The following CSMD1 variants were observed in gnomAD, a reference collection of about 807,000 sequenced individuals.
CSMD1 encodes the protein CUB and Sushi multiple domains 1.
In CSMD1, 213 loss-of-function variants were observed where a neutral mutation model predicts 417.5. The ratio of observed to expected loss-of-function variants is 0.51; its 90% CI spans 0.46 to 0.57. The LOEUF (loss-of-function observed/expected upper bound fraction) is 0.57. Ranked by LOEUF, CSMD1 falls within the 20% of genes least tolerant of loss-of-function variation. CSMD1 has a pLI of 0.00. For synonymous variants in CSMD1, 2,862 were observed against 1,736.8 expected (o/e 1.65, Z -16.11); for missense variants, 6,923 against 4,529.7 (o/e 1.53, Z -15.17).
chr8:3,263,448 G>T (rs2161749), intron 26 of CSMD1, among the ~76,000 whole-genome samples: 1 of 151,986 alleles, frequency 6.6e-6, no homozygotes, highest in Non-Finnish European at 1.5e-5. Context: ...ATGTATATAT[G>T]GATACATTGG....
At chr8:3,538,476 ACACCTGAGATGCCTCACCTGCGATGCCT>A (rs1434123659) in intron 10 of CSMD1, among the ~76,000 whole-genome samples, 1 of 151,300 alleles carries the variant, frequency 6.6e-6, no homozygotes. Context: ...CTAAGATGAT[ACACCTGAGATGCCTCACCTGCGATGCCT>A]CACCTGAGAT....
intron 1 of CSMD1, among the ~76,000 whole-genome samples, chr8:4,698,251 G>T (rs780193388): frequency 4.0e-5 from 6 of 150,844 alleles, no homozygotes; most frequent in Non-Finnish European, 8.8e-5. Flanking sequence ...AAACATTTTA[G>T]TCAACATGAA....
chr8:3,007,219 A>G (rs535934057), intron 52 of CSMD1, among the ~76,000 whole-genome samples: 3 of 150,448 alleles, frequency 2.0e-5, no homozygotes, highest in Admixed American at 2.0e-4. Flanking sequence ...CAAAACCACA[A>G]TGAGATACCA....
chr8:4,647,371 CGT>C (rs1803587718), intron 1 of CSMD1, among the ~76,000 whole-genome samples: 1 of 102,760 alleles, frequency 9.7e-6, no homozygotes, highest in East Asian at 4.6e-4. Context: ...CGGCCTGCTA[CGT>C]AGGTACGCGT....
intron 5 of CSMD1, among the ~76,000 whole-genome samples, chr8:3,763,394 G>T (rs1258626646): frequency 6.6e-6 from 1 of 152,122 alleles, no homozygotes; most frequent in African/African-American, 2.4e-5. Context: ...CCATGGTAAT[G>T]AGTAAGTTCT....
intron 3 of CSMD1, among the ~76,000 whole-genome samples, chr8:4,346,867 A>T (rs1307724500): frequency 6.6e-6 from 1 of 152,202 alleles, no homozygotes; most frequent in Non-Finnish European, 1.5e-5. Flanking sequence ...CACCTCTCTC[A>T]ACATGTCATT....
At chr8:4,697,038 G>A (rs560484500) in intron 1 of CSMD1, among the ~76,000 whole-genome samples, 7 of 152,066 alleles carry the variant, frequency 4.6e-5, no homozygotes, top group African/African-American at 9.7e-5. Flanking sequence ...TGGGCGTGGT[G>A]GTGCGTGCCT....
At chr8:3,724,182 A>G (rs1802352059) in intron 6 of CSMD1, among the ~76,000 whole-genome samples, 1 of 108,348 alleles carries the variant, frequency 9.2e-6, no homozygotes, top group African/African-American at 3.2e-5. Context: ...AAACAATGCT[A>G]CCTCTTTTAC....
At position 4,994,517 on chromosome 8, in the gene CSMD1, A is replaced by C. The variant is rs1238984598; in HGVS notation, c.-101T>G. On this transcript the variant is annotated 5_prime_UTR_variant, in exon 1 of 70. Transcript: ENST00000635120. The stretch of plus-strand genomic sequence containing the variant: ...ATCACCCGAGGGCAAGGCGAGCCGG[A>C]GAGAGAGCCCGGTCCCAAGACCCGC... 3.2e-5 allele frequency: 35 copies of C among 1,106,514 alleles called. No individual in the cohort carries two copies. The highest frequency in any genetic ancestry group is 4.5e-5 in the Non-Finnish European group (34 of 759,578). 68.5% of individuals were successfully genotyped at this position (1,106,514 alleles called of 1,614,324 possible).
intron 3 of CSMD1, among the ~76,000 whole-genome samples, chr8:4,075,858 C>G (rs1434536961): frequency 6.6e-6 from 1 of 152,070 alleles, no homozygotes; most frequent in African/African-American, 2.4e-5. Context: ...CCTCAGGGAG[C>G]CAGTTCATAT....
rs1204302137 is a variant in CSMD1 at position 4,895,653 on chromosome 8, GCTC to G, written c.85+98676_85+98678del. 2.6e-5 allele frequency among the ~76,000 whole-genome samples: 4 copies of G among 151,302 alleles called. 1 individual carries two copies. Among genetic ancestry groups the G allele is most frequent in the African/African-American group, 9.7e-5 (4 of 41,154 alleles). ...CTGATGTTGTGGTTGGTCTGATGAG[GCTC>G]CTTTTTCCAAATTGCTATCCACCTT... On this transcript the variant is annotated intron_variant, in intron 1 of 69. Coordinates refer to ENST00000635120, the MANE Select transcript of CSMD1 (RefSeq NM_033225.6).
At chr8:4,453,206 C>T (rs1441113007) in intron 2 of CSMD1, among the ~76,000 whole-genome samples, 3 of 113,798 alleles carry the variant, frequency 2.6e-5, no homozygotes, top group Non-Finnish European at 3.8e-5. Flanking sequence ...CCCACACAGA[C>T]ACACACAGAG....
intron 3 of CSMD1, among the ~76,000 whole-genome samples, chr8:4,350,013 C>A (rs965000085): frequency 6.6e-6 from 1 of 152,070 alleles, no homozygotes; most frequent in Non-Finnish European, 1.5e-5. Context: ...GCCCTGGAAT[C>A]TTGTCTTTTC....
rs189752327 is a variant in CSMD1 at position 4,301,501 on chromosome 8, T to C, written c.415+118452A>G. ...TGATGCCACTTGCATAAGATCTCTA[T>C]TGAAAGCTCTACTCTTGTTTGAAGC... On this transcript the variant is annotated intron_variant, in intron 3 of 69. Coordinates refer to ENST00000635120, the MANE Select transcript of CSMD1 (RefSeq NM_033225.6). Among the ~76,000 whole-genome samples, 13 of 152,306 alleles carry C rather than the reference T, an allele frequency of 8.5e-5. No individual in the cohort carries two copies. In the East Asian group the frequency reaches 2.1e-3, roughly 25 times the overall value.
At chr8:4,779,508 C>T (rs1292355218) in intron 1 of CSMD1, among the ~76,000 whole-genome samples, 1 of 151,972 alleles carries the variant, frequency 6.6e-6, no homozygotes, top group Non-Finnish European at 1.5e-5. Context: ...GTCCTAAACC[C>T]AATGCAGTTA....
intron 3 of CSMD1, among the ~76,000 whole-genome samples, chr8:4,100,489 T>C (rs901840076): frequency 1.5e-4 from 23 of 152,172 alleles, no homozygotes; most frequent in African/African-American, 5.5e-4. Flanking sequence ...TAAGCCTTAG[T>C]CTCATCAACT....
intron 12 of CSMD1, among the ~76,000 whole-genome samples, chr8:3,410,300 T>C (rs1297809090): frequency 6.6e-6 from 1 of 152,210 alleles, no homozygotes; most frequent in Non-Finnish European, 1.5e-5. Flanking sequence ...GTGTGTCAGG[T>C]CCTGTTCTAG....
intron 2 of CSMD1, among the ~76,000 whole-genome samples, chr8:4,583,238 C>T (rs1442518312): frequency 6.6e-6 from 1 of 152,228 alleles, no homozygotes; most frequent in African/African-American, 2.4e-5. Flanking sequence ...GACTGGCAGG[C>T]AGCTCCACCT....
At chr8:4,366,958 T>C (rs1446680298) in intron 3 of CSMD1, among the ~76,000 whole-genome samples, 1 of 152,186 alleles carries the variant, frequency 6.6e-6, no homozygotes, top group African/African-American at 2.4e-5. Flanking sequence ...CTTTGTTGGA[T>C]GTGTACTCTG....
Sources: allele counts gnomAD v4.1 joint callset (sites outside exome capture counted in the v4.1 genomes callset), GRCh38; gene constraint gnomAD v4.1.1; transcripts MANE v1.5; gene names NCBI Gene and HGNC (gene_info 2026-07-23, HGNC 2026-07-21).